RXFP1: variants seen among roughly 807,000 people sequenced by gnomAD.
The protein encoded by RXFP1 is relaxin receptor 1.
A neutral mutation model predicts 89.8 loss-of-function variants in RXFP1; 73 were observed. The ratio of observed to expected loss-of-function variants is 0.81; its 90% CI spans 0.67 to 0.99. The LOEUF is 0.99. RXFP1 is among the 50% of genes least tolerant of loss of function. The pLI is 0.00. For synonymous variants in RXFP1, 277 were observed against 305.5 expected (o/e 0.91, Z 0.97); for missense variants, 793 against 895.5 (o/e 0.89, Z 1.46).
chr4:158,522,904 G>A (rs148589676), intron 1 of RXFP1, among the ~76,000 whole-genome samples: 3 of 152,184 alleles, frequency 2.0e-5, no homozygotes, highest in African/African-American at 7.2e-5. Flanking sequence ...TGTTAACTCT[G>A]AGCTCTTCTA....
chr4:158,566,605 C>A (rs1753608773), intron 1 of RXFP1, among the ~76,000 whole-genome samples: 1 of 152,316 alleles, frequency 6.6e-6, no homozygotes, highest in Non-Finnish European at 1.5e-5. Context: ...CCTCAGATAT[C>A]TGCCCACCTC....
At chr4:158,551,589 A>C (rs980048791) in intron 1 of RXFP1, among the ~76,000 whole-genome samples, 8 of 152,334 alleles carry the variant, frequency 5.3e-5, no homozygotes, top group Admixed American at 5.2e-4. Flanking sequence ...ACATATATCA[A>C]AAAACCACAT....
At chr4:158,643,468 G>T (rs1580302775) in intron 14 of RXFP1, among the ~76,000 whole-genome samples, 5 of 112,824 alleles carry the variant, frequency 4.4e-5, no homozygotes, top group African/African-American at 3.5e-5. Flanking sequence ...TCATATGCTA[G>T]TTTTTTTTTT....
At chr4:158,649,152 T>C (rs903292345) in intron 17 of RXFP1, among the ~76,000 whole-genome samples, 1 of 152,022 alleles carries the variant, frequency 6.6e-6, no homozygotes, top group African/African-American at 2.4e-5. Context: ...TACTTTTGGC[T>C]CTGCTCATCA....
At chr4:158,557,393 G>GT (rs1427537627) in intron 1 of RXFP1, among the ~76,000 whole-genome samples, 2 of 152,116 alleles carry the variant, frequency 1.3e-5, no homozygotes, top group African/African-American at 2.4e-5. Flanking sequence ...GTATCAGTTT[G>GT]TTTGTTTGTT....
At chr4:158,522,673 G>A (rs1414555523) in intron 1 of RXFP1, among the ~76,000 whole-genome samples, 1 of 152,188 alleles carries the variant, frequency 6.6e-6, no homozygotes, top group Non-Finnish European at 1.5e-5. Flanking sequence ...AAGGGAAACA[G>A]TTGTTGTGTG....
rs1419483725 is a variant in RXFP1 at position 158,652,630 on chromosome 4, G to T, written c.*575G>T. On this transcript the variant is annotated 3_prime_UTR_variant, in exon 18 of 18. Transcript: ENST00000307765. ...TCTCTTTAAGTTTCCATACACTTGA[G>T]AGCCAACACAACATATTTATTACTA... 6.6e-6 allele frequency: 1 copy of T among 152,144 alleles called. No individual in the cohort carries two copies. The highest frequency in any genetic ancestry group is 1.5e-5 in the Non-Finnish European group (1 of 68,026). The allele number at this position is 152,144 out of a possible 1,614,324, so 9.4% of individuals were successfully genotyped here.
At chr4:158,538,831 A>G (rs952353142) in intron 1 of RXFP1, among the ~76,000 whole-genome samples, 5 of 151,892 alleles carry the variant, frequency 3.3e-5, no homozygotes, top group African/African-American at 1.2e-4. Context: ...AAGAATAGGT[A>G]CAAAAATGGT....
chr4:158,552,193 C>A (rs1459043055), intron 1 of RXFP1, among the ~76,000 whole-genome samples: 1 of 152,108 alleles, frequency 6.6e-6, no homozygotes, highest in Admixed American at 6.5e-5. Flanking sequence ...ATTTTTATTT[C>A]TTGGCTGCAC....
At chr4:158,629,306 G>A (rs1329245782) in intron 11 of RXFP1, among the ~76,000 whole-genome samples, 1 of 151,992 alleles carries the variant, frequency 6.6e-6, no homozygotes, top group African/African-American at 2.4e-5. Flanking sequence ...TAGGATTCAG[G>A]GACCATAAGA....
At chr4:158,522,052 T>A (rs766167361) in intron 1 of RXFP1, 27 bp downstream of exon 1, 6 of 1,344,646 alleles carry the variant, frequency 4.5e-6, no homozygotes, top group Non-Finnish European at 6.4e-6. Flanking sequence ...TCTAATTTTG[T>A]ATACCTTAGT....
intron 1 of RXFP1, among the ~76,000 whole-genome samples, chr4:158,545,372 G>T (rs1056512944): frequency 5.9e-5 from 9 of 152,126 alleles, no homozygotes; most frequent in African/African-American, 2.2e-4. Context: ...TAGGTAGGTT[G>T]CTAAAATTTT....
chr4:158,539,655 T>A (rs550537738), intron 1 of RXFP1, among the ~76,000 whole-genome samples: 1 of 152,200 alleles, frequency 6.6e-6, no homozygotes, highest in Non-Finnish European at 1.5e-5. Context: ...AGACCACATG[T>A]GCTGCTTAGC....
intron 1 of RXFP1, among the ~76,000 whole-genome samples, chr4:158,545,408 A>C: frequency 6.6e-6 from 1 of 151,452 alleles, no homozygotes; most frequent in East Asian, 1.9e-4. Context: ...TTGTCTGTTC[A>C]CTCTGATGGT....
intron 2 of RXFP1, among the ~76,000 whole-genome samples, chr4:158,591,843 T>C (rs1759542842): frequency 6.6e-6 from 1 of 152,192 alleles, no homozygotes; most frequent in African/African-American, 2.4e-5. Flanking sequence ...AACTTCACTC[T>C]CTGTTCATAT....
At chr4:158,527,564 A>AAAAATATATGTAT (rs5741905) in intron 1 of RXFP1, among the ~76,000 whole-genome samples, 1 of 98,338 alleles carries the variant, frequency 1.0e-5, no homozygotes, top group Non-Finnish European at 2.0e-5. Context: ...AAAAAAAAAA[A>AAAAATATATGTAT]ATATATATAT....
chr4:158,620,264 G>T lies in RXFP1; in HGVS notation c.755+3059G>T, dbSNP rs192082968. ...ATATGTCATAGAAAGCTTTCAAATTGAAACGAAAGAAAAAGAGACAAAAAT... is the reference window on the plus strand; with the variant it reads ...ATATGTCATAGAAAGCTTTCAAATTTAAACGAAAGAAAAAGAGACAAAAAT... On this transcript the variant is annotated intron_variant, in intron 9 of 17. Transcript: ENST00000307765. Among the ~76,000 whole-genome samples the T allele has an allele frequency of 9.2e-5, 14 of 152,082 alleles. No homozygotes were observed. In the East Asian group the frequency reaches 2.5e-3, roughly 27 times the overall value.
At position 158,607,972 on chromosome 4, in the gene RXFP1, G is replaced by T. The variant is rs758452069; in HGVS notation, c.465G>T (p.Leu155=). ...CFKNYHDLQK[L]YLQNNKITSI... ...TTCTTTTTAATAATCATTTTCACAGGTACCTGCAAAACAATAAGATTACAT... is the reference window on the plus strand; with the variant it reads ...TTCTTTTTAATAATCATTTTCACAGTTACCTGCAAAACAATAAGATTACAT... The change falls in exon 6 of 18, where the codon CTG becomes CTT. Residue 155 remains leucine, a splice_region_variant and synonymous_variant. Transcript: ENST00000307765. 35 of 1,591,232 alleles carry T rather than the reference G, an allele frequency of 2.2e-5. No homozygotes were observed. Among genetic ancestry groups the T allele is most frequent in the Non-Finnish European group, 2.7e-5 (31 of 1,167,282 alleles).
intron 2 of RXFP1, among the ~76,000 whole-genome samples, chr4:158,590,507 T>C (rs1050795006): frequency 1.3e-5 from 2 of 152,192 alleles, no homozygotes; most frequent in African/African-American, 4.8e-5. Context: ...GCAATCCCAC[T>C]TCACAACCCT....
Sources: gnomAD v4.1 joint callset for allele counts (sites outside exome capture counted in the v4.1 genomes callset) on GRCh38, gnomAD v4.1.1 for gene constraint, MANE v1.5 for transcripts, NCBI Gene and HGNC (gene_info 2026-07-23, HGNC 2026-07-21) for gene names.